The following CELF5 variants were observed in gnomAD, a reference collection of about 807,000 sequenced individuals.
The protein encoded by CELF5 is CUGBP Elav-like family member 5.
Under a neutral mutation model 54.9 loss-of-function variants are expected in CELF5, and 6 were observed. That is an observed-to-expected ratio of 0.11 (90% confidence interval 0.06 to 0.22). CELF5 has a LOEUF of 0.22. Ranked by LOEUF, CELF5 falls within the 10% of genes least tolerant of loss-of-function variation. The probability of loss-of-function intolerance (pLI) is 1.00; values close to 1 mark genes in which losing one functional copy is unlikely to be tolerated. For synonymous variants in CELF5, 271 were observed against 290.9 expected (o/e 0.93, Z 0.70); for missense variants, 401 against 678.6 (o/e 0.59, Z 4.54).
intron 1 of CELF5, among the ~76,000 whole-genome samples, chr19:3,243,343 C>T (rs1310617466): frequency 2.0e-5 from 3 of 152,222 alleles, no homozygotes; most frequent in Admixed American, 6.5e-5. Flanking sequence ...CACAGTGGCA[C>T]AATCATGCCT....
intron 1 of CELF5, among the ~76,000 whole-genome samples, chr19:3,243,577 T>A (rs2145030802): frequency 6.6e-6 from 1 of 152,324 alleles, no homozygotes; most frequent in Middle Eastern, 3.4e-3. Context: ...CCACCACACC[T>A]GGCCCAGTGG....
At chr19:3,225,150 A>G in intron 1 of CELF5, 152 bp downstream of exon 1, 1 of 178,740 alleles carries the variant, frequency 5.6e-6, no homozygotes, top group Non-Finnish European at 9.3e-6. Context: ...CCTCCCTCCC[A>G]CCCACCCCTC....
At chr19:3,256,425 T>C (rs944973189) in intron 2 of CELF5, among the ~76,000 whole-genome samples, 1 of 152,046 alleles carries the variant, frequency 6.6e-6, no homozygotes, top group Admixed American at 6.6e-5. Context: ...ATCTGACTTA[T>C]GACAGAATGA....
At chr19:3,249,402 C>CCTGTCT (rs1362058568) in intron 1 of CELF5, among the ~76,000 whole-genome samples, 1 of 152,206 alleles carries the variant, frequency 6.6e-6, no homozygotes, top group South Asian at 2.1e-4. Context: ...TTGCTTGTCT[C>CCTGTCT]CTGTCTCTGT....
intron 10 of CELF5, 51 bp downstream of exon 10, chr19:3,286,076 C>G: frequency 7.0e-7 from 1 of 1,430,218 alleles, no homozygotes. Context: ...TCTGCCCGCC[C>G]TGTCCACCTG....
intron 5 of CELF5, among the ~76,000 whole-genome samples, chr19:3,280,511 G>T (rs111833299): frequency 0.087 from 13,252 of 152,154 alleles, 698 homozygotes; most frequent in South Asian, 0.17. Flanking sequence ...GAAGGCAGAG[G>T]TTGCAGTGAG....
intron 2 of CELF5, among the ~76,000 whole-genome samples, chr19:3,273,318 G>C (rs2079996189): frequency 6.6e-6 from 1 of 151,904 alleles, no homozygotes; most frequent in African/African-American, 2.4e-5. Flanking sequence ...ACTCCCCTGA[G>C]GTGGCTGTCA....
chr19:3,259,657 G>A (rs1421304665), intron 2 of CELF5, among the ~76,000 whole-genome samples: 1 of 152,124 alleles, frequency 6.6e-6, no homozygotes, highest in Non-Finnish European at 1.5e-5. Flanking sequence ...CGGGTCATGG[G>A]ACATAGTCTC....
intron 2 of CELF5, among the ~76,000 whole-genome samples, chr19:3,251,406 C>T (rs985495830): frequency 1.1e-4 from 17 of 151,952 alleles, no homozygotes; most frequent in Admixed American, 4.6e-4. Flanking sequence ...TGCCAAGGCC[C>T]GGGGGAGGAC....
At chr19:3,271,641 G>C (rs2079966225) in intron 2 of CELF5, among the ~76,000 whole-genome samples, 1 of 152,082 alleles carries the variant, frequency 6.6e-6, no homozygotes. Context: ...GAGGGTCTTA[G>C]AGAGGGGAGG....
intron 1 of CELF5, among the ~76,000 whole-genome samples, chr19:3,225,250 TCCTCTCTCTCTC>T (rs1226642971): frequency 1.9e-4 from 17 of 88,762 alleles, no homozygotes; most frequent in Admixed American, 2.4e-4. Flanking sequence ...TTCCGGCATC[TCCTCTCTCTCTC>T]CCTCTCTCTC....
intron 1 of CELF5, among the ~76,000 whole-genome samples, chr19:3,244,148 A>T (rs2079528298): frequency 6.6e-6 from 1 of 152,058 alleles, no homozygotes; most frequent in Non-Finnish European, 1.5e-5. Context: ...CAAAGAGGCC[A>T]AGAAGAGGTT....
intron 10 of CELF5, among the ~76,000 whole-genome samples, chr19:3,289,966 C>G (rs1447763832): frequency 2.6e-5 from 4 of 151,946 alleles, no homozygotes; most frequent in Non-Finnish European, 5.9e-5. Flanking sequence ...GCAGGGGATC[C>G]CCTGGGTCTT....
chr19:3,284,695 G>A (rs770832947), intron 8 of CELF5: 233 of 587,214 alleles, frequency 4.0e-4, no homozygotes, highest in Non-Finnish European at 6.4e-4. Context: ...CCGGATTCCA[G>A]TTCAGCTTCT....
chr19:3,243,917 A>G (rs895001382), intron 1 of CELF5, among the ~76,000 whole-genome samples: 8 of 151,466 alleles, frequency 5.3e-5, no homozygotes, highest in African/African-American at 9.7e-5. Context: ...GTCTTATTGG[A>G]TCAGGGCCCA....
At position 3,281,946 on chromosome 19, in the gene CELF5, G is replaced by T. The variant is rs34139199; in HGVS notation, c.751-180G>T. ...TGATCTCAGCCTGAGCCTCACTTCC[G>T]AACCGATCTCTGCTCCCAGGCTGAG... On this transcript the variant is annotated intron_variant, in intron 6 of 12. Coordinates refer to ENST00000292672, the MANE Select transcript of CELF5 (RefSeq NM_021938.4). The surrounding 1 kb of genome is among the most constrained non-coding windows in gnomAD (Gnocchi z 6.5). 0.54 allele frequency among the ~76,000 whole-genome samples: 82,034 copies of T among 151,506 alleles called. 23,516 individuals carry two copies. Among genetic ancestry groups the T allele is most frequent in the Middle Eastern group, 0.69 (201 of 292 alleles).
intron 2 of CELF5, among the ~76,000 whole-genome samples, chr19:3,258,769 G>T (rs10409755): frequency 6.6e-6 from 1 of 151,672 alleles, no homozygotes; most frequent in Non-Finnish European, 1.5e-5. Flanking sequence ...ATGCCACCAC[G>T]CCTGGCTAGT....
rs565299671 is a variant in CELF5, at chr19:3,247,004, G to A, written c.260-3981G>A. 7.2e-5 allele frequency among the ~76,000 whole-genome samples: 11 copies of A among 152,304 alleles called. No homozygotes were observed. The East Asian group carries it at 1.9e-3, about 27-fold the overall frequency. On this transcript the variant is annotated intron_variant, in intron 1 of 12. Transcript: ENST00000292672. ...ACTCAATCACATTGATACGTGATGC[G>A]CACATGGTGGGGACACCATCGTGAA...
intron 1 of CELF5, among the ~76,000 whole-genome samples, chr19:3,250,140 T>C (rs143498117): frequency 4.7e-4 from 71 of 152,334 alleles, no homozygotes; most frequent in African/African-American, 1.6e-3. Flanking sequence ...TTTTTATTTT[T>C]TGAGATTGTA....
Sources: allele counts gnomAD v4.1 joint callset (sites outside exome capture counted in the v4.1 genomes callset), GRCh38; gene constraint gnomAD v4.1.1; non-coding constraint Gnocchi (gnomAD v3.1); transcripts MANE v1.5; gene names NCBI Gene and HGNC (gene_info 2026-07-23, HGNC 2026-07-21).